The following CACNA1D variants were observed in gnomAD, a reference collection of about 807,000 sequenced individuals.
The protein encoded by CACNA1D is calcium voltage-gated channel subunit alpha1 D.
CACNA1D carries 55 observed loss-of-function variants against 257.1 expected under a neutral mutation model. The observed-to-expected ratio is 0.21, with a 90% CI of 0.17 to 0.27. The LOEUF (loss-of-function observed/expected upper bound fraction) is 0.27. CACNA1D is among the 10% of genes least tolerant of loss of function. The pLI is 1.00. For missense variants in CACNA1D, 1,876 were observed against 2,784.0 expected, an observed-to-expected ratio of 0.67 and a Z score of 7.34; for synonymous variants, 980 against 1,014.9, an observed-to-expected ratio of 0.97 and a Z score of 0.65.
At chr3:53,749,501 C>T (rs2108866083) in intron 27 of CACNA1D, 32 bp downstream of exon 27, 1 of 1,511,628 alleles carries the variant, frequency 6.6e-7, no homozygotes, top group South Asian at 1.1e-5. Flanking sequence ...GGCTTCTGTC[C>T]CTTGGTCAGG....
At chr3:53,593,934 AT>A (rs1425899868) in intron 3 of CACNA1D, among the ~76,000 whole-genome samples, 2 of 152,194 alleles carry the variant, frequency 1.3e-5, no homozygotes, top group Non-Finnish European at 2.9e-5. Flanking sequence ...TGATGTTAGG[AT>A]GCATTCTTCA....
chr3:53,606,060 A>C (rs1411889714), intron 3 of CACNA1D, among the ~76,000 whole-genome samples: 1 of 152,226 alleles, frequency 6.6e-6, no homozygotes, highest in African/African-American at 2.4e-5. Context: ...AACACCAAGA[A>C]GGCTGGTGTG....
Position 53,774,346 on chromosome 3 carries a change from C to A in CACNA1D, c.4111-241C>A. Reference sequence around the variant, plus strand: ...TGTTGCCTGGCTACCTTTGTGTCTCCCCCAGGGGAGATCCGCGAATGTGAG... The same window carrying A: ...TGTTGCCTGGCTACCTTTGTGTCTCACCCAGGGGAGATCCGCGAATGTGAG... On this transcript the variant is annotated intron_variant, in intron 33 of 47. Transcript: ENST00000350061. The surrounding 1 kb of genome is among the most constrained non-coding windows in gnomAD (Gnocchi z 4.3). 1 of 506,068 alleles carries A rather than the reference C, an allele frequency of 2.0e-6. No homozygotes were observed. 31.3% of individuals were successfully genotyped at this position (506,068 alleles called of 1,614,324 possible).
At chr3:53,688,847 T>C (rs11130377) in intron 8 of CACNA1D, among the ~76,000 whole-genome samples, 37,974 of 152,102 alleles carry the variant, frequency 0.25, 5,156 homozygotes, top group Middle Eastern at 0.38. Flanking sequence ...CTCTGAGTCT[T>C]GGAGACCCTT....
intron 3 of CACNA1D, among the ~76,000 whole-genome samples, chr3:53,546,894 A>G (rs762831442): frequency 2.0e-5 from 3 of 152,216 alleles, no homozygotes; most frequent in Non-Finnish European, 2.9e-5. Flanking sequence ...AAAACAGCCT[A>G]GTATACAACA....
chr3:53,729,993 G>A (rs2094973341), intron 15 of CACNA1D, among the ~76,000 whole-genome samples: 1 of 152,124 alleles, frequency 6.6e-6, no homozygotes, highest in Non-Finnish European at 1.5e-5. Flanking sequence ...CTTTGAAGTG[G>A]TCTGTTTTGG....
intron 29 of CACNA1D, among the ~76,000 whole-genome samples, chr3:53,757,112 C>T (rs2095270371): frequency 6.6e-6 from 1 of 152,198 alleles, no homozygotes; most frequent in Admixed American, 6.5e-5. Context: ...TCCTCATCTG[C>T]CTTCAAGGGC....
chr3:53,691,822 A>T (rs1406066421), intron 8 of CACNA1D, among the ~76,000 whole-genome samples: 1 of 87,556 alleles, frequency 1.1e-5, no homozygotes, highest in Non-Finnish European at 2.2e-5. Context: ...ATTATATATT[A>T]TATCTATAAT....
intron 3 of CACNA1D, among the ~76,000 whole-genome samples, chr3:53,629,663 C>A (rs987767808): frequency 2.0e-5 from 3 of 152,272 alleles, no homozygotes; most frequent in South Asian, 2.1e-4. Context: ...TCCCTTCTTT[C>A]GTTTTTCTCC....
chr3:53,722,543 G>A (rs982688900), intron 12 of CACNA1D, 69 bp downstream of exon 12: 8 of 1,456,664 alleles, frequency 5.5e-6, no homozygotes, highest in Non-Finnish European at 6.8e-6. Context: ...CTGCCATTTG[G>A]TCTTATCTGA....
intron 8 of CACNA1D, among the ~76,000 whole-genome samples, chr3:53,700,765 C>G (rs1373080969): frequency 1.3e-5 from 2 of 152,090 alleles, no homozygotes; most frequent in Non-Finnish European, 2.9e-5. Flanking sequence ...ACTGACAGCC[C>G]TAACAGGACC....
At chr3:53,557,684 T>C (rs2092671685) in intron 3 of CACNA1D, among the ~76,000 whole-genome samples, 1 of 152,244 alleles carries the variant, frequency 6.6e-6, no homozygotes, top group African/African-American at 2.4e-5. Context: ...TTGGCCATAC[T>C]TGACTCTATT....
intron 9 of CACNA1D, among the ~76,000 whole-genome samples, chr3:53,712,291 C>A (rs1338600020): frequency 6.6e-6 from 1 of 152,190 alleles, no homozygotes; most frequent in Non-Finnish European, 1.5e-5. Flanking sequence ...GACTGAAATA[C>A]CTGGGGACTC....
chr3:53,667,279 A>G (rs2094276231), intron 7 of CACNA1D, among the ~76,000 whole-genome samples: 1 of 152,218 alleles, frequency 6.6e-6, no homozygotes. Flanking sequence ...TTGCTGTATA[A>G]AAATAAGTGC....
intron 3 of CACNA1D, among the ~76,000 whole-genome samples, chr3:53,626,728 A>G (rs1399338616): frequency 6.6e-6 from 1 of 152,122 alleles, no homozygotes; most frequent in Non-Finnish European, 1.5e-5. Flanking sequence ...CAATTTACCT[A>G]TCTATATTTT....
intron 30 of CACNA1D, among the ~76,000 whole-genome samples, chr3:53,762,918 CGT>C (rs1386998228): frequency 6.6e-6 from 1 of 152,228 alleles, no homozygotes; most frequent in Non-Finnish European, 1.5e-5. Flanking sequence ...ATTGTGTGTC[CGT>C]GTGAATGTTG....
At chr3:53,766,783 T>G (rs1362166309) in intron 30 of CACNA1D, among the ~76,000 whole-genome samples, 5 of 152,148 alleles carry the variant, frequency 3.3e-5, no homozygotes, top group African/African-American at 7.2e-5. Context: ...TGTGACATCT[T>G]AGGGTGGGAA....
Position 53,793,397 on chromosome 3 carries a change from C to G in CACNA1D, c.4923+6445C>G, listed in dbSNP as rs2095493479. On this transcript the variant is annotated intron_variant, in intron 40 of 47. Transcript: ENST00000350061. This position sits in a 1 kb window ranked among gnomAD's most constrained non-coding sequence, Gnocchi z 4.1. ...TGACCCACCCGACGTTGAGTTGATT[C>G]AGTGCTGAAGGATGGCACGTGCCTA... is the stretch of plus-strand genomic sequence containing the variant. 6.6e-6 allele frequency among the ~76,000 whole-genome samples: 1 copy of G among 152,230 alleles called. No homozygotes were observed. The highest frequency in any genetic ancestry group is 1.5e-5 in the Non-Finnish European group (1 of 68,038).
At chr3:53,702,325 G>A (rs1190634592) in intron 8 of CACNA1D, among the ~76,000 whole-genome samples, 1 of 152,208 alleles carries the variant, frequency 6.6e-6, no homozygotes, top group African/African-American at 2.4e-5. Context: ...GTTGGGGGGT[G>A]TCAGAGGCCT....
Sources: allele counts gnomAD v4.1 joint callset (sites outside exome capture counted in the v4.1 genomes callset), GRCh38; gene constraint gnomAD v4.1.1; non-coding constraint Gnocchi (gnomAD v3.1); transcripts MANE v1.5; gene names NCBI Gene and HGNC (gene_info 2026-07-23, HGNC 2026-07-21).